SLC35D1: variants seen among roughly 807,000 people sequenced by gnomAD.
SLC35D1 encodes the protein nucleotide sugar transporter SLC35D1.
In SLC35D1, 31 loss-of-function variants were observed where a neutral mutation model predicts 46.7. The ratio of observed to expected loss-of-function variants is 0.66; its 90% CI spans 0.50 to 0.90. The LOEUF (loss-of-function observed/expected upper bound fraction) is 0.90, where lower values mean the gene tolerates loss of function less well. SLC35D1 is among the 40% of genes least tolerant of loss of function. The pLI is 0.00. For synonymous variants in SLC35D1, 195 were observed against 164.6 expected (o/e 1.18, Z -1.41); for missense variants, 397 against 426.2 (o/e 0.93, Z 0.60).
At chr1:67,030,497 C>CA (rs1667996217) in intron 8 of SLC35D1, among the ~76,000 whole-genome samples, 2 of 151,766 alleles carry the variant, frequency 1.3e-5, no homozygotes, top group Non-Finnish European at 1.5e-5. Context: ...ATCAGAATTA[C>CA]AAAAAATATA....
chr1:67,015,850 G>C (rs538579640), intron 10 of SLC35D1, among the ~76,000 whole-genome samples: 56 of 152,214 alleles, frequency 3.7e-4, no homozygotes, highest in African/African-American at 1.3e-3. Context: ...TCTCTACCAA[G>C]AGTAAAAGGT....
intron 9 of SLC35D1, 137 bp downstream of exon 9, chr1:67,021,398 C>A: frequency 1.1e-6 from 1 of 908,118 alleles, no homozygotes; most frequent in Non-Finnish European, 1.8e-6. Context: ...AGCTATGAAA[C>A]CACCTGAATC....
At chr1:67,011,645 GC>G (rs1667568012) in intron 10 of SLC35D1, among the ~76,000 whole-genome samples, 1 of 151,932 alleles carries the variant, frequency 6.6e-6, no homozygotes, top group Admixed American at 6.6e-5. Flanking sequence ...ACCATGCCTG[GC>G]TAATTTTTTT....
At chr1:67,039,728 C>T (rs930908202) in intron 8 of SLC35D1, among the ~76,000 whole-genome samples, 3 of 152,088 alleles carry the variant, frequency 2.0e-5, no homozygotes, top group African/African-American at 7.2e-5. Flanking sequence ...AGTTTATCAG[C>T]ACTGATTATA....
At chr1:66,985,404 A>C in the SLC35D1 span, 10 of 983,040 alleles carry the variant, frequency 1.0e-5, no homozygotes, top group Non-Finnish European at 1.2e-5. Context: ...TATTAAGGAA[A>C]CCCTTACGAA....
intron 6 of SLC35D1, among the ~76,000 whole-genome samples, chr1:67,049,187 G>A (rs758198374): frequency 9.9e-5 from 15 of 152,016 alleles, no homozygotes; most frequent in Non-Finnish European, 1.6e-4. Flanking sequence ...CCAGCTACTC[G>A]GGAGGCTGAG....
At chr1:66,984,394 A>G in the SLC35D1 span, among the ~76,000 whole-genome samples, 72 of 152,376 alleles carry the variant, frequency 4.7e-4, no homozygotes, top group Admixed American at 2.4e-3. Flanking sequence ...AAATGGAGAT[A>G]CAGAAAGAGT....
chr1:66,980,890 GCA>G, the SLC35D1 span, among the ~76,000 whole-genome samples: 1 of 151,942 alleles, frequency 6.6e-6, no homozygotes, highest in Admixed American at 6.6e-5. Flanking sequence ...ACTCAGTTGT[GCA>G]GTTGTTGCAG....
chr1:66,997,548 GATATAGATATATCTGTGTGTGT>G (rs1667253959), downstream of SLC35D1, among the ~76,000 whole-genome samples: 1 of 81,138 alleles, frequency 1.2e-5, no homozygotes, highest in Non-Finnish European at 2.7e-5. Context: ...AACCCCTTTA[GATATAGATATATCTGTGTGTGT>G]ATATATATAC....
chr1:67,026,465 C>A (rs191722693), intron 8 of SLC35D1, among the ~76,000 whole-genome samples: 1 of 152,114 alleles, frequency 6.6e-6, no homozygotes, highest in East Asian at 1.9e-4. Flanking sequence ...GTAATCCTAG[C>A]CATATAAAAT....
chr1:67,043,004 C>T (rs1045081002), intron 7 of SLC35D1, among the ~76,000 whole-genome samples: 2 of 152,076 alleles, frequency 1.3e-5, no homozygotes, highest in African/African-American at 4.8e-5. Context: ...TCAAGACCAG[C>T]CTGGCCAACA....
intron 8 of SLC35D1, among the ~76,000 whole-genome samples, chr1:67,022,398 A>G (rs1667825268): frequency 1.3e-5 from 2 of 152,310 alleles, no homozygotes; most frequent in South Asian, 4.1e-4. Flanking sequence ...CTTATAAAAC[A>G]TACCATACAC....
At chr1:67,048,607 A>T (rs190076053) in intron 6 of SLC35D1, among the ~76,000 whole-genome samples, 39 of 152,326 alleles carry the variant, frequency 2.6e-4, no homozygotes, top group African/African-American at 9.1e-4. Context: ...ATACTACAGG[A>T]ATGTGATGAA....
intron 8 of SLC35D1, among the ~76,000 whole-genome samples, chr1:67,041,472 A>G (rs1343239802): frequency 6.6e-6 from 1 of 152,242 alleles, no homozygotes; most frequent in African/African-American, 2.4e-5. Flanking sequence ...CGGTCTTTAG[A>G]GTAAATGACC....
At chr1:67,048,704 A>G (rs1377313826) in intron 6 of SLC35D1, among the ~76,000 whole-genome samples, 20 of 152,226 alleles carry the variant, frequency 1.3e-4, no homozygotes, top group Admixed American at 1.2e-3. Flanking sequence ...GTAAATACAT[A>G]TATGCATGCC....
rs2273680 is a variant in SLC35D1 at position 67,047,178 on chromosome 1, G to T, written c.636+87C>A. ...ACTATGTCTTTCTCATCCCCAGTAA[G>T]AACTTTCTTTATTCCCCACTTTTTC... On this transcript the variant is annotated intron_variant, in intron 7 of 11. Transcript: ENST00000235345. 40,415 of 1,024,640 alleles carry T rather than the reference G, an allele frequency of 0.039. 1,869 individuals carry two copies. The highest frequency in any genetic ancestry group is 0.22 in the East Asian group (8,959 of 40,636). The allele number at this position is 1,024,640 out of a possible 1,614,324, so 63.5% of individuals were successfully genotyped here.
At chr1:67,023,220 G>C (rs1249469805) in intron 8 of SLC35D1, among the ~76,000 whole-genome samples, 1 of 152,104 alleles carries the variant, frequency 6.6e-6, no homozygotes. Context: ...ATTTGGTTAG[G>C]TGTATCTTTA....
rs776222837 is a variant in SLC35D1, at chr1:67,053,814, T to G, written c.200A>C (p.Tyr67Ser). Reference protein sequence around the residue: ...VVVNKSVLTNYRFPSSLCVGL... With the variant: ...VVVNKSVLTNSRFPSSLCVGL... Reference sequence around the variant, plus strand: ...GCCGCCGCCGCCTCGGCCCTACCTGTAATTGGTGAGCACGCTCTTATTCAC... The same window carrying G: ...GCCGCCGCCGCCTCGGCCCTACCTGGAATTGGTGAGCACGCTCTTATTCAC... The change falls in exon 1 of 12, where the codon TAC (tyrosine) becomes TCC (serine). Residue 67 changes from tyrosine (Y) to serine (S), a missense_variant. Tyr to Ser is a moderately radical substitution (Grantham distance 144, BLOSUM62 -2). Transcript: ENST00000235345. 44 of 1,605,632 alleles carry G rather than the reference T, an allele frequency of 2.7e-5. No homozygotes were observed. Among genetic ancestry groups the G allele is most frequent in the Non-Finnish European group, 3.7e-5 (44 of 1,175,984 alleles).
chr1:66,990,245 C>A, the SLC35D1 span, among the ~76,000 whole-genome samples: 11 of 152,264 alleles, frequency 7.2e-5, no homozygotes, highest in East Asian at 1.9e-4. Flanking sequence ...ATTTAAAAAA[C>A]ACACCATGAA....
Sources: gnomAD v4.1 joint callset for allele counts (sites outside exome capture counted in the v4.1 genomes callset) on GRCh38, gnomAD v4.1.1 for gene constraint, MANE v1.5 for transcripts, NCBI Gene and HGNC (gene_info 2026-07-23, HGNC 2026-07-21) for gene names.